The following ATRNL1 variants were observed in gnomAD, a reference collection of about 807,000 sequenced individuals.
ATRNL1 encodes attractin-like protein 1.
ATRNL1 carries 95 observed loss-of-function variants against 182.7 expected under a neutral mutation model. The ratio of observed to expected loss-of-function variants is 0.52; its 90% CI spans 0.44 to 0.62. The LOEUF is 0.62. Ranked by LOEUF, ATRNL1 falls within the 20% of genes least tolerant of loss-of-function variation. ATRNL1 has a pLI of 0.00. For missense variants in ATRNL1, 1,471 were observed against 1,679.5 expected (o/e 0.88, Z 2.17); for synonymous variants, 576 against 568.3 (o/e 1.01, Z -0.19).
At chr10:115,907,450 C>A (rs1297993898) in intron 28 of ATRNL1, among the ~76,000 whole-genome samples, 3 of 152,040 alleles carry the variant, frequency 2.0e-5, no homozygotes, top group Non-Finnish European at 4.4e-5. Context: ...GGCCATGGGC[C>A]TTATGAACAT....
intron 27 of ATRNL1, among the ~76,000 whole-genome samples, chr10:115,744,995 G>A (rs183344385): frequency 1.9e-3 from 287 of 152,208 alleles, no homozygotes; most frequent in African/African-American, 6.5e-3. Flanking sequence ...CAGTCATACA[G>A]TGACCACACC....
chr10:115,945,925 A>G lies in ATRNL1; in HGVS notation c.*1146A>G, dbSNP rs1555125564. The G allele has an allele frequency of 6.6e-6, 1 of 152,196 alleles. No individual in the cohort carries two copies. The highest frequency in any genetic ancestry group is 6.5e-5 in the Admixed American group (1 of 15,280). 9.4% of individuals were successfully genotyped at this position (152,196 alleles called of 1,614,324 possible). A position where few individuals can be genotyped will look rare whatever the true frequency, so the allele number is the denominator to read the frequency against. On this transcript the variant is annotated 3_prime_UTR_variant, in exon 29 of 29. Transcript: ENST00000355044. ...TTAGAAAATATGTCCATGGTTGCCC[A>G]CAGTCAGCACACTCTTAGTGACTCA...
intron 19 of ATRNL1, among the ~76,000 whole-genome samples, chr10:115,368,105 CG>C (rs1857162240): frequency 6.6e-6 from 1 of 152,192 alleles, no homozygotes; most frequent in Non-Finnish European, 1.5e-5. Context: ...TGGGCAATGG[CG>C]GGCGCCCCTC....
chr10:115,249,727 C>T (rs1027241468), intron 10 of ATRNL1, among the ~76,000 whole-genome samples: 1 of 151,726 alleles, frequency 6.6e-6, no homozygotes, highest in Admixed American at 6.6e-5. Flanking sequence ...TTCTTTTCAT[C>T]GTGGCTGTTT....
intron 28 of ATRNL1, among the ~76,000 whole-genome samples, chr10:115,936,737 A>G (rs1021311050): frequency 1.3e-5 from 2 of 152,224 alleles, no homozygotes; most frequent in Admixed American, 6.5e-5. Context: ...CATTTCTTCA[A>G]TGAGCAGTAA....
chr10:115,173,253 C>G (rs782012508), intron 8 of ATRNL1, among the ~76,000 whole-genome samples: 1 of 151,810 alleles, frequency 6.6e-6, no homozygotes, highest in Non-Finnish European at 1.5e-5. Flanking sequence ...AGTTTTTAAG[C>G]AAGAGTTAAC....
intron 20 of ATRNL1, among the ~76,000 whole-genome samples, chr10:115,395,956 G>GA (rs1238448698): frequency 1.3e-5 from 2 of 151,374 alleles, no homozygotes; most frequent in Non-Finnish European, 3.0e-5. Flanking sequence ...AATAATTACA[G>GA]AAACATAGGG....
intron 24 of ATRNL1, among the ~76,000 whole-genome samples, chr10:115,489,951 G>A (rs1212965590): frequency 1.3e-5 from 2 of 152,172 alleles, no homozygotes; most frequent in Non-Finnish European, 2.9e-5. Context: ...TTGTTTGCCT[G>A]TAAAGGATTT....
chr10:115,527,542 G>C (rs1473734646), intron 25 of ATRNL1, among the ~76,000 whole-genome samples: 7 of 152,072 alleles, frequency 4.6e-5, no homozygotes, highest in African/African-American at 1.7e-4. Flanking sequence ...TTTTTGTGTA[G>C]TTTATATTTT....
intron 9 of ATRNL1, among the ~76,000 whole-genome samples, chr10:115,233,348 T>G (rs1458289979): frequency 6.6e-6 from 1 of 152,216 alleles, no homozygotes; most frequent in Non-Finnish European, 1.5e-5. Flanking sequence ...GTTTATGATC[T>G]GATAGACTGA....
At position 115,473,330 on chromosome 10, in the gene ATRNL1, A is replaced by C. The variant is rs919856241; in HGVS notation, c.3654+4001A>C. On this transcript the variant is annotated intron_variant, in intron 24 of 28. Coordinates refer to ENST00000355044, the MANE Select transcript of ATRNL1 (RefSeq NM_207303.4). Reference sequence around the variant, plus strand: ...TTTCTTTTTTTTCCTTATGTTCCCTATGGTAAGCTGTGGTACAATAGTATT... The same window carrying C: ...TTTCTTTTTTTTCCTTATGTTCCCTCTGGTAAGCTGTGGTACAATAGTATT... Among the ~76,000 whole-genome samples, 3 of 150,972 alleles carry C rather than the reference A, an allele frequency of 2.0e-5. No homozygotes were observed. In the Admixed American group the frequency reaches 2.0e-4, roughly 10 times the overall value.
chr10:115,208,693 A>G (rs570768544), intron 8 of ATRNL1, among the ~76,000 whole-genome samples: 1 of 152,142 alleles, frequency 6.6e-6, no homozygotes, highest in Admixed American at 6.6e-5. Context: ...AGAGGTGTTT[A>G]CTAGTTTTTT....
At chr10:115,654,860 T>C (rs536590881) in intron 26 of ATRNL1, among the ~76,000 whole-genome samples, 1 of 152,314 alleles carries the variant, frequency 6.6e-6, no homozygotes, top group South Asian at 2.1e-4. Flanking sequence ...TCCAGTTGTG[T>C]ACAGTGGAAA....
intron 14 of ATRNL1, among the ~76,000 whole-genome samples, chr10:115,282,153 TTATTA>T (rs1413552323): frequency 1.4e-5 from 2 of 146,576 alleles, no homozygotes; most frequent in East Asian, 1.9e-4. Context: ...ATTTATATAT[TTATTA>T]TATTACATTT....
intron 13 of ATRNL1, among the ~76,000 whole-genome samples, chr10:115,276,297 T>C (rs1564873201): frequency 6.6e-6 from 1 of 152,222 alleles, no homozygotes; most frequent in East Asian, 1.9e-4. Flanking sequence ...TTTCAAAATA[T>C]GAATTTTGGG....
chr10:115,228,969 G>T (rs1212093330), intron 9 of ATRNL1, among the ~76,000 whole-genome samples: 1 of 151,798 alleles, frequency 6.6e-6, no homozygotes, highest in African/African-American at 2.4e-5. Flanking sequence ...GTTTCACCAT[G>T]TTGGCCAGGC....
chr10:115,383,017 G>A (rs1554951643), intron 19 of ATRNL1, among the ~76,000 whole-genome samples: 1 of 151,514 alleles, frequency 6.6e-6, no homozygotes, highest in South Asian at 2.1e-4. Context: ...TAGAGAGGAA[G>A]TTCTTTTTAT....
intron 10 of ATRNL1, among the ~76,000 whole-genome samples, chr10:115,252,679 CCTTCTTTAATTGACAGAT>C (rs1564852589): frequency 6.6e-6 from 1 of 152,160 alleles, no homozygotes; most frequent in Non-Finnish European, 1.5e-5. Context: ...TGGGGCTTGA[CCTTCTTTAATTGACAGAT>C]CTTCTATAAT....
At chr10:115,507,357 A>T (rs1387894590) in intron 24 of ATRNL1, among the ~76,000 whole-genome samples, 1 of 152,016 alleles carries the variant, frequency 6.6e-6, no homozygotes, top group African/African-American at 2.4e-5. Flanking sequence ...TCTAGTAGAT[A>T]CTGCAATTCA....
Sources: allele counts gnomAD v4.1 joint callset (sites outside exome capture counted in the v4.1 genomes callset), GRCh38; gene constraint gnomAD v4.1.1; transcripts MANE v1.5; gene names NCBI Gene and HGNC (gene_info 2026-07-23, HGNC 2026-07-21).